Variants in ARHGEF4 observed in about 807,000 individuals in gnomAD.
ARHGEF4 encodes the protein APC-stimulated guanine nucleotide exchange factor 1.
A neutral mutation model predicts 162.0 loss-of-function variants in ARHGEF4; 119 were observed. The ratio of observed to expected loss-of-function variants is 0.73; its 90% CI spans 0.63 to 0.86. The LOEUF (loss-of-function observed/expected upper bound fraction) is 0.86. Ranked by LOEUF, ARHGEF4 falls within the 40% of genes least tolerant of loss-of-function variation. The probability of loss-of-function intolerance (pLI) is 0.00; values close to 1 mark genes in which losing one functional copy is unlikely to be tolerated. For missense variants in ARHGEF4, 2,488 were observed against 2,456.0 expected, an observed-to-expected ratio of 1.01 and a Z score of -0.28; for synonymous variants, 1,014 against 979.9, an observed-to-expected ratio of 1.03 and a Z score of -0.65.
At chr2:130,881,349 C>T (rs947048118) in intron 1 of ARHGEF4, among the ~76,000 whole-genome samples, 3 of 152,122 alleles carry the variant, frequency 2.0e-5, no homozygotes, top group African/African-American at 7.2e-5. Context: ...CAACGCAGAG[C>T]TTGAGACAAA....
intron 1 of ARHGEF4, among the ~76,000 whole-genome samples, chr2:130,892,134 T>C (rs1679894040): frequency 6.6e-6 from 1 of 152,158 alleles, no homozygotes; most frequent in Non-Finnish European, 1.5e-5. Context: ...CTAAAGAGAA[T>C]TGATGTAAAT....
intron 4 of ARHGEF4, among the ~76,000 whole-genome samples, chr2:130,993,102 T>C (rs530751001): frequency 6.6e-6 from 1 of 152,030 alleles, no homozygotes; most frequent in Non-Finnish European, 1.5e-5. Context: ...AAAACAAAAA[T>C]AGACATCAAG....
Position 130,914,305 on chromosome 2 carries a change from C to T in ARHGEF4, c.359C>T (p.Thr120Ile). The change falls in exon 2 of 14, where the codon ACC becomes ATC. Residue 120 changes from threonine (T) to isoleucine (I), a missense_variant. Physicochemically the swap from Thr to Ile is moderately conservative, Grantham distance 89. Transcript: ENST00000409359. ...GGACCCCCTCAGGAGCAGCATTTGA[C>T]CAGTGTTCCTGGGCTTCATGCAAAG... is the stretch of plus-strand genomic sequence containing the variant. Reference protein sequence around the residue: ...ATGPPQEQHLTSVPGLHAKEE... With the variant: ...ATGPPQEQHLISVPGLHAKEE... The T allele has an allele frequency of 1.3e-6, 2 of 1,508,048 alleles. No homozygotes were observed. Among genetic ancestry groups the T allele is most frequent in the Non-Finnish European group, 1.8e-6 (2 of 1,131,378 alleles). The allele number at this position is 1,508,048 out of a possible 1,614,324, so 93.4% of individuals were successfully genotyped here.
At chr2:130,923,263 A>G (rs973957427) in intron 2 of ARHGEF4, among the ~76,000 whole-genome samples, 1 of 152,194 alleles carries the variant, frequency 6.6e-6, no homozygotes, top group African/African-American at 2.4e-5. Flanking sequence ...GAAATTCTCA[A>G]TTTTAATGTT....
chr2:130,932,471 A>C (rs902613298), intron 3 of ARHGEF4, among the ~76,000 whole-genome samples: 7 of 152,312 alleles, frequency 4.6e-5, no homozygotes, highest in Middle Eastern at 3.4e-3. Flanking sequence ...GGCCTCCCAA[A>C]GTGCTGGGAT....
In ARHGEF4 at chr2:130,836,928, G is replaced by GGGCTCCGGGCGTCCC. The variant is rs1439597776; in HGVS notation, c.-22_-8dup. ...CGGCGCGGCTCGTAGTGCTGCGGCC[G>GGGCTCCGGGCGTCCC]GGCTCCGGGCGTCCCGGCGGCCACC... On this transcript the variant is annotated 5_prime_UTR_variant, in exon 1 of 14. Coordinates refer to ENST00000409359, the MANE Select transcript of ARHGEF4 (RefSeq NM_001367493.1). 1 of 1,222,560 alleles carries GGGCTCCGGGCGTCCC rather than the reference G, an allele frequency of 8.2e-7. No individual in the cohort carries two copies. Among genetic ancestry groups the GGGCTCCGGGCGTCCC allele is most frequent in the Non-Finnish European group, 1.0e-6 (1 of 982,274 alleles). The allele number at this position is 1,222,560 out of a possible 1,614,324, so 75.7% of individuals were successfully genotyped here. A position where few individuals can be genotyped will look rare whatever the true frequency, so the allele number is the denominator to read the frequency against.
chr2:130,867,366 G>A (rs570489345), intron 1 of ARHGEF4, among the ~76,000 whole-genome samples: 17 of 152,020 alleles, frequency 1.1e-4, no homozygotes, highest in Middle Eastern at 3.4e-3. Flanking sequence ...AGCCTCTTGA[G>A]TACTGGGATT....
intron 1 of ARHGEF4, among the ~76,000 whole-genome samples, chr2:130,871,514 C>A (rs956343047): frequency 1.3e-5 from 2 of 151,238 alleles, no homozygotes; most frequent in African/African-American, 4.9e-5. Context: ...CCAGCCTGGG[C>A]GGCAAGAGCA....
At chr2:130,877,852 G>A (rs1176641973) in intron 1 of ARHGEF4, among the ~76,000 whole-genome samples, 1 of 152,162 alleles carries the variant, frequency 6.6e-6, no homozygotes, top group East Asian at 1.9e-4. Flanking sequence ...TAGAATGTCA[G>A]CGCCATGGGG....
rs58656982 is a variant in ARHGEF4, at chr2:130,988,872, GTA to G, written c.3986-39044_3986-39043del. Among the ~76,000 whole-genome samples, 1,026 of 108,356 alleles carry G rather than the reference GTA, an allele frequency of 9.5e-3. 7 individuals carry two copies. The highest frequency in any genetic ancestry group is 0.021 in the African/African-American group (559 of 27,180). The allele number at this position is 108,356 out of a possible 152,430, so 71.1% of individuals were successfully genotyped here. On this transcript the variant is annotated intron_variant, in intron 4 of 13. Transcript: ENST00000409359. Reference sequence around the variant, plus strand: ...TTTGTGTGTGTGTGTGTGTGTGTGTGTATATATATATATATATATATATATAT... The same window carrying G: ...TTTGTGTGTGTGTGTGTGTGTGTGTGTATATATATATATATATATATATAT...
chr2:130,985,379 A>C (rs188050791), intron 4 of ARHGEF4, among the ~76,000 whole-genome samples: 4 of 152,312 alleles, frequency 2.6e-5, no homozygotes, highest in African/African-American at 9.6e-5. Flanking sequence ...CTCACCACAC[A>C]GAAAACCAAT....
At chr2:131,034,941 T>TG in intron 5 of ARHGEF4, 1 of 978,678 alleles carries the variant, frequency 1.0e-6, no homozygotes, top group Non-Finnish European at 1.2e-6. Context: ...GCTTGGGGCC[T>TG]GGGAGGCGCC....
chr2:130,955,018 T>G (rs1346728656), intron 4 of ARHGEF4, among the ~76,000 whole-genome samples: 1 of 152,174 alleles, frequency 6.6e-6, no homozygotes, highest in Non-Finnish European at 1.5e-5. Context: ...TCTATTGATC[T>G]ATCTTCAAGT....
chr2:130,931,743 C>T (rs1017626962), intron 3 of ARHGEF4, among the ~76,000 whole-genome samples: 4 of 152,230 alleles, frequency 2.6e-5, no homozygotes, highest in Middle Eastern at 3.4e-3. Context: ...TGCATGAAAC[C>T]GACAGCCTAC....
At chr2:130,988,901 T>TATATATATATAGAGAGAG (rs1469212068) in intron 4 of ARHGEF4, among the ~76,000 whole-genome samples, 4 of 113,382 alleles carry the variant, frequency 3.5e-5, no homozygotes, top group East Asian at 2.8e-4. Flanking sequence ...TATATATATA[T>TATATATATATAGAGAGAG]AGAGAGAGAG....
At chr2:130,991,945 C>G (rs1262565444) in intron 4 of ARHGEF4, among the ~76,000 whole-genome samples, 1 of 152,192 alleles carries the variant, frequency 6.6e-6, no homozygotes, top group Non-Finnish European at 1.5e-5. Context: ...TTATGTCTAG[C>G]TCAGGGATTG....
chr2:130,940,771 G>A (rs1346671785), intron 3 of ARHGEF4, among the ~76,000 whole-genome samples: 2 of 147,886 alleles, frequency 1.4e-5, no homozygotes, highest in Non-Finnish European at 3.0e-5. Context: ...GGCAGAGCTT[G>A]CAGTGAGCCG....
chr2:130,990,380 T>G (rs4569521), intron 4 of ARHGEF4, among the ~76,000 whole-genome samples: 117,573 of 152,026 alleles, frequency 0.77, 46,225 homozygotes, highest in East Asian at 0.88. Flanking sequence ...AAGATTCCAT[T>G]ATTTGTCTGT....
chr2:130,850,979 G>A (rs753028950), intron 1 of ARHGEF4, among the ~76,000 whole-genome samples: 6 of 152,208 alleles, frequency 3.9e-5, no homozygotes, highest in South Asian at 4.1e-4. Flanking sequence ...CCCGAGTTCC[G>A]ACTTTGGGCC....
Sources: gnomAD v4.1 joint callset for allele counts (sites outside exome capture counted in the v4.1 genomes callset) on GRCh38, gnomAD v4.1.1 for gene constraint, MANE v1.5 for transcripts, NCBI Gene and HGNC (gene_info 2026-07-23, HGNC 2026-07-21) for gene names.